The following ATCAY variants were observed in gnomAD, a reference collection of about 807,000 sequenced individuals.
ATCAY encodes the protein ATCAY kinesin light chain interacting caytaxin.
Under a neutral mutation model 47.7 loss-of-function variants are expected in ATCAY, and 22 were observed. The observed-to-expected ratio is 0.46, with a 90% CI of 0.33 to 0.66. The LOEUF is 0.66. ATCAY is among the 30% of genes least tolerant of loss of function. ATCAY has a pLI of 0.02. For synonymous variants in ATCAY, 216 were observed against 207.6 expected, an observed-to-expected ratio of 1.04 and a Z score of -0.35; for missense variants, 452 against 515.0, an observed-to-expected ratio of 0.88 and a Z score of 1.18.
At chr19:3,894,948 CAAAAAAA>C (rs34311804) in intron 2 of ATCAY, among the ~76,000 whole-genome samples, 1 of 76,766 alleles carries the variant, frequency 1.3e-5, no homozygotes, top group African/African-American at 5.2e-5. Context: ...GACCCTGTCT[CAAAAAAA>C]AAAAAAAAAA....
At chr19:3,887,878 G>A (rs1337855361) in intron 2 of ATCAY, among the ~76,000 whole-genome samples, 1 of 151,524 alleles carries the variant, frequency 6.6e-6, no homozygotes, top group South Asian at 2.1e-4. Context: ...GGAGGCCAAG[G>A]TGGGCAGATC....
chr19:3,923,632 G>A (rs2039039277), intron 12 of ATCAY, among the ~76,000 whole-genome samples: 3 of 151,948 alleles, frequency 2.0e-5, no homozygotes, highest in African/African-American at 7.3e-5. Flanking sequence ...TGGGTGGAGG[G>A]ATGGAAAGAT....
intron 12 of ATCAY, chr19:3,922,032 C>G (rs957643349): frequency 4.6e-6 from 3 of 645,324 alleles, no homozygotes; most frequent in Non-Finnish European, 8.4e-6. Flanking sequence ...TTTCTCCCAG[C>G]AGGGATGTGT....
At chr19:3,889,869 T>C (rs1047933355) in intron 2 of ATCAY, among the ~76,000 whole-genome samples, 5 of 152,098 alleles carry the variant, frequency 3.3e-5, no homozygotes, top group African/African-American at 9.7e-5. Context: ...AAATAAATAA[T>C]CATCTCCAGC....
intron 11 of ATCAY, chr19:3,920,130 G>A (rs2145265781): frequency 6.6e-6 from 1 of 152,338 alleles, no homozygotes; most frequent in Admixed American, 6.5e-5. Flanking sequence ...GACCATTTGA[G>A]GTCAGGAGTT....
At chr19:3,887,891 A>G (rs374411615) in intron 2 of ATCAY, among the ~76,000 whole-genome samples, 3 of 151,532 alleles carry the variant, frequency 2.0e-5, no homozygotes, top group South Asian at 2.1e-4. Context: ...GGCAGATCAC[A>G]AGGTCAGGAA....
chr19:3,903,982 C>CAAAAAAAA (rs59631453), intron 3 of ATCAY, among the ~76,000 whole-genome samples: 5 of 79,054 alleles, frequency 6.3e-5, no homozygotes, highest in Admixed American at 1.3e-4. Flanking sequence ...ACTAAAGATA[C>CAAAAAAAA]AAAAAAAAAA....
At chr19:3,887,707 C>A (rs975805120) in intron 2 of ATCAY, among the ~76,000 whole-genome samples, 2 of 150,182 alleles carry the variant, frequency 1.3e-5, no homozygotes, top group Non-Finnish European at 1.5e-5. Flanking sequence ...AGGATGGTCT[C>A]GATCGTCTGA....
In ATCAY at chr19:3,918,818, G is replaced by A; in HGVS notation, c.1014G>A (p.Gln338=). ...LKARRESARP[Q]PEFVLPRSEE... ...TCTCTGTCCACAGCGCGAGGCCCCA[G>A]CCGGAGTTTGTGCTGCCCAGGTCTG... Residue 338 remains glutamine (Q), a synonymous_variant, in exon 11 of 13, where the codon CAG becomes CAA. Transcript: ENST00000450849. The A allele has an allele frequency of 1.2e-6, 2 of 1,614,000 alleles. No individual in the cohort carries two copies. The highest frequency in any genetic ancestry group is 1.1e-5 in the South Asian group (1 of 91,088).
At chr19:3,894,160 C>A (rs563701575) in intron 2 of ATCAY, among the ~76,000 whole-genome samples, 16 of 152,026 alleles carry the variant, frequency 1.1e-4, no homozygotes, top group Admixed American at 6.6e-4. Context: ...CAAGACCAGC[C>A]TGCAAGACCC....
chr19:3,920,654 T>C, intron 11 of ATCAY, 112 bp from the exon 12 acceptor site: 1 of 939,978 alleles, frequency 1.1e-6, no homozygotes, highest in Non-Finnish European at 1.4e-6. Flanking sequence ...AGACCCTGTA[T>C]CTTAATAATA....
intron 2 of ATCAY, among the ~76,000 whole-genome samples, chr19:3,899,214 G>A (rs1352323615): frequency 1.3e-5 from 2 of 151,998 alleles, no homozygotes; most frequent in East Asian, 1.9e-4. Context: ...GAAAAGAGAG[G>A]GAGGGAAAGG....
rs1238834117 is a variant in ATCAY at position 3,924,914 on chromosome 19, C to T, written c.*322C>T. 5.7e-6 allele frequency: 2 copies of T among 348,570 alleles called. No homozygotes were observed. The highest frequency in any genetic ancestry group is 4.3e-5 in the Admixed American group (1 of 23,304). 21.6% of individuals were successfully genotyped at this position (348,570 alleles called of 1,614,324 possible). ...TGGCCCGCGTGGCGTCGGTGGCCTC[C>T]GCTCCTGCTCGCAGCCTCTGTGGTC... is the stretch of plus-strand genomic sequence containing the variant. On this transcript the variant is annotated 3_prime_UTR_variant, in exon 13 of 13. Coordinates refer to ENST00000450849, the MANE Select transcript of ATCAY (RefSeq NM_033064.5).
At chr19:3,890,684 C>T (rs115224150) in intron 2 of ATCAY, among the ~76,000 whole-genome samples, 2,124 of 152,278 alleles carry the variant, frequency 0.014, 46 homozygotes, top group African/African-American at 0.049. Flanking sequence ...CCAGCGGGAG[C>T]GGGAGGAGGG....
At chr19:3,885,684 A>G in intron 1 of ATCAY, 43 bp from the exon 2 acceptor site, 2 of 1,167,156 alleles carry the variant, frequency 1.7e-6, no homozygotes, top group Non-Finnish European at 2.5e-6. Context: ...TGTCATTAGG[A>G]CTATTGTCCA....
intron 2 of ATCAY, among the ~76,000 whole-genome samples, chr19:3,887,479 TTTTA>T (rs201407506): frequency 6.8e-5 from 10 of 147,530 alleles, no homozygotes; most frequent in African/African-American, 2.0e-4. Flanking sequence ...ATTTTTTTTA[TTTTA>T]TTTATTTATT....
chr19:3,924,272 G>GAT (rs57361161), intron 12 of ATCAY, among the ~76,000 whole-genome samples: 10 of 152,016 alleles, frequency 6.6e-5, no homozygotes, highest in South Asian at 4.2e-4. Flanking sequence ...TGGATGGATG[G>GAT]GTGGATGGAT....
In ATCAY at chr19:3,907,747, G is replaced by C. The variant is rs1435181784; in HGVS notation, c.372G>C (p.Val124=). 7 of 1,613,876 alleles carry C rather than the reference G, an allele frequency of 4.3e-6. No individual in the cohort carries two copies. Among genetic ancestry groups the C allele is most frequent in the African/African-American group, 1.3e-5 (1 of 74,942 alleles). ...NELEWEDDTP[V]ATAKNMPGDS... is the part of the protein sequence containing the mutation. ...ACCTGCTTCTAGACGACACCCCCGT[G>C]GCCACCGCCAAGAACATGCCCGGGG... is the stretch of plus-strand genomic sequence containing the variant. The change falls in exon 5 of 13, where the codon GTG becomes GTC. Residue 124 remains valine, a synonymous_variant. Coordinates refer to ENST00000450849, the MANE Select transcript of ATCAY (RefSeq NM_033064.5). This position sits in a 1 kb window ranked among gnomAD's most constrained non-coding sequence, Gnocchi z 5.1.
At chr19:3,886,522 G>A (rs894238164) in intron 2 of ATCAY, among the ~76,000 whole-genome samples, 4 of 149,300 alleles carry the variant, frequency 2.7e-5, no homozygotes, top group Admixed American at 6.7e-5. Flanking sequence ...CCCAGGAGGC[G>A]GAGCTTGCAG....
Sources: gnomAD v4.1 joint callset for allele counts (sites outside exome capture counted in the v4.1 genomes callset) on GRCh38, gnomAD v4.1.1 for gene constraint, Gnocchi (gnomAD v3.1) non-coding constraint, MANE v1.5 for transcripts, NCBI Gene and HGNC (gene_info 2026-07-23, HGNC 2026-07-21) for gene names.